TAFA4: variants seen among roughly 807,000 people sequenced by gnomAD.
The protein encoded by TAFA4 is TAFA chemokine like family member 4, also known as chemokine-like protein TAFA-4.
Under a neutral mutation model 21.1 loss-of-function variants are expected in TAFA4, and 20 were observed. The ratio of observed to expected loss-of-function variants is 0.95; its 90% CI spans 0.67 to 1.38. TAFA4 has a LOEUF of 1.38. Ranked by LOEUF, TAFA4 falls within the 40% of genes most tolerant of loss-of-function variation. The probability of loss-of-function intolerance (pLI) is 0.00; values close to 1 mark genes in which losing one functional copy is unlikely to be tolerated. For missense variants in TAFA4, 211 were observed against 180.9 expected, an observed-to-expected ratio of 1.17 and a Z score of -0.95; for synonymous variants, 71 against 67.4, an observed-to-expected ratio of 1.05 and a Z score of -0.26.
intron 4 of TAFA4, among the ~76,000 whole-genome samples, chr3:68,739,462 A>G (rs1348525381): frequency 2.0e-5 from 3 of 152,228 alleles, no homozygotes; most frequent in African/African-American, 7.2e-5. Flanking sequence ...AATTAGTACA[A>G]CCTCTATGGA....
intron 1 of TAFA4, among the ~76,000 whole-genome samples, chr3:68,928,193 A>C (rs190124463): frequency 1.3e-4 from 20 of 152,358 alleles, no homozygotes; most frequent in Admixed American, 1.1e-3. Context: ...CCTTAGATTC[A>C]TAACTCTGAA....
intron 1 of TAFA4, among the ~76,000 whole-genome samples, chr3:68,917,673 G>A: frequency 6.7e-6 from 1 of 148,392 alleles, no homozygotes; most frequent in East Asian, 2.0e-4. Flanking sequence ...AGAATCACTT[G>A]AACTCGAGAG....
chr3:68,928,569 A>C (rs1488981397), intron 1 of TAFA4, among the ~76,000 whole-genome samples: 1 of 152,188 alleles, frequency 6.6e-6, no homozygotes, highest in African/African-American at 2.4e-5. Flanking sequence ...TTCCATCGCC[A>C]GCTCCCCTTT....
At position 68,853,635 on chromosome 3, in the gene TAFA4, T is replaced by G. The variant is rs568330875; in HGVS notation, c.130+27095A>C. On this transcript the variant is annotated intron_variant, in intron 3 of 5. Coordinates refer to ENST00000295569, the MANE Select transcript of TAFA4 (RefSeq NM_182522.5). ...TTTCCTCCAGTGTCTTACCATCTGT[T>G]TTCCATAATATGCCCCCTTTATTAA... is the stretch of plus-strand genomic sequence containing the variant. Among the ~76,000 whole-genome samples the G allele has an allele frequency of 1.1e-4, 17 of 152,302 alleles. No individual in the cohort carries two copies. In the East Asian group the frequency reaches 3.1e-3, roughly 28 times the overall value.
At position 68,732,676 on chromosome 3, in the gene TAFA4, A is replaced by G. The variant is rs1702170801; in HGVS notation, c.*466T>C. 1 of 154,728 alleles carries G rather than the reference A, an allele frequency of 6.5e-6. No individual in the cohort carries two copies. The highest frequency in any genetic ancestry group is 1.4e-5 in the Non-Finnish European group (1 of 69,766). 9.6% of individuals were successfully genotyped at this position (154,728 alleles called of 1,614,324 possible). Reference sequence around the variant, plus strand: ...TAATTTTCTTCACCAGCTAATCTACATCTGCAAATATGTTTTGCCAAAATC... The same window carrying G: ...TAATTTTCTTCACCAGCTAATCTACGTCTGCAAATATGTTTTGCCAAAATC... On this transcript the variant is annotated 3_prime_UTR_variant, in exon 6 of 6. Coordinates refer to ENST00000295569, the MANE Select transcript of TAFA4 (RefSeq NM_182522.5).
At chr3:68,838,356 T>C (rs547962224) in intron 3 of TAFA4, among the ~76,000 whole-genome samples, 1 of 152,242 alleles carries the variant, frequency 6.6e-6, no homozygotes, top group Non-Finnish European at 1.5e-5. Context: ...AGAATACATT[T>C]GTATGTTTTC....
At chr3:68,813,772 T>C (rs1235642062) in intron 3 of TAFA4, among the ~76,000 whole-genome samples, 2 of 152,114 alleles carry the variant, frequency 1.3e-5, no homozygotes, top group Non-Finnish European at 2.9e-5. Context: ...TCTGAAACTA[T>C]TCCAATCAAT....
chr3:68,809,745 G>A (rs1051406416), intron 3 of TAFA4, among the ~76,000 whole-genome samples: 3 of 152,024 alleles, frequency 2.0e-5, no homozygotes, highest in Admixed American at 6.6e-5. Context: ...GGTGTGAGAC[G>A]AGAATCTAAT....
At chr3:68,752,056 G>A (rs527647872) in intron 4 of TAFA4, among the ~76,000 whole-genome samples, 7 of 152,292 alleles carry the variant, frequency 4.6e-5, no homozygotes, top group South Asian at 4.1e-4. Context: ...TAAATCAGCC[G>A]TTCTTGTTCA....
intron 3 of TAFA4, among the ~76,000 whole-genome samples, chr3:68,838,549 G>A (rs905256580): frequency 6.6e-6 from 1 of 152,140 alleles, no homozygotes; most frequent in Non-Finnish European, 1.5e-5. Context: ...CACTGTTCTA[G>A]GTCAGGGGTC....
At chr3:68,900,271 T>C (rs550775450) in intron 1 of TAFA4, among the ~76,000 whole-genome samples, 10 of 61,746 alleles carry the variant, frequency 1.6e-4, no homozygotes, top group South Asian at 9.5e-4. Flanking sequence ...ATAATAATAA[T>C]AATAATAATA....
At chr3:68,768,498 G>T (rs1341539313) in intron 3 of TAFA4, among the ~76,000 whole-genome samples, 3 of 152,110 alleles carry the variant, frequency 2.0e-5, no homozygotes, top group Non-Finnish European at 4.4e-5. Flanking sequence ...CTGTCAGTGG[G>T]AATGCAAACT....
chr3:68,912,558 A>G (rs1341586226), intron 1 of TAFA4, among the ~76,000 whole-genome samples: 2 of 152,214 alleles, frequency 1.3e-5, no homozygotes, highest in African/African-American at 4.8e-5. Context: ...TGGGGACCAG[A>G]TGAGCGAGCG....
chr3:68,777,511 C>T (rs1324482660), intron 3 of TAFA4, among the ~76,000 whole-genome samples: 1 of 151,924 alleles, frequency 6.6e-6, no homozygotes, highest in Non-Finnish European at 1.5e-5. Flanking sequence ...ATTTAAGCAG[C>T]TACATAGGGA....
intron 3 of TAFA4, among the ~76,000 whole-genome samples, chr3:68,819,397 T>C (rs1322821304): frequency 1.3e-5 from 2 of 152,162 alleles, no homozygotes; most frequent in African/African-American, 2.4e-5. Context: ...CAGTATTATG[T>C]TGAGTGAAAG....
intron 3 of TAFA4, among the ~76,000 whole-genome samples, chr3:68,878,120 A>C (rs1053993754): frequency 6.6e-6 from 1 of 152,064 alleles, no homozygotes; most frequent in Non-Finnish European, 1.5e-5. Context: ...TTTTCCAGGG[A>C]CTTTATGCCA....
At chr3:68,779,761 G>T (rs1703121156) in intron 3 of TAFA4, among the ~76,000 whole-genome samples, 1 of 152,232 alleles carries the variant, frequency 6.6e-6, no homozygotes, top group African/African-American at 2.4e-5. Flanking sequence ...CCCTCATGGA[G>T]AATCTCTGCT....
chr3:68,738,513 T>C (rs566308276), intron 5 of TAFA4, among the ~76,000 whole-genome samples: 24 of 152,134 alleles, frequency 1.6e-4, no homozygotes, highest in Non-Finnish European at 3.4e-4. Flanking sequence ...TGAAGAATCA[T>C]GGAAAAGTTG....
At chr3:68,844,112 C>T (rs542207347) in intron 3 of TAFA4, among the ~76,000 whole-genome samples, 2 of 152,170 alleles carry the variant, frequency 1.3e-5, no homozygotes, top group African/African-American at 4.8e-5. Context: ...CTCTTTGTAC[C>T]TCTGGTAGAA....
Sources: allele counts gnomAD v4.1 joint callset (sites outside exome capture counted in the v4.1 genomes callset), GRCh38; gene constraint gnomAD v4.1.1; transcripts MANE v1.5; gene names NCBI Gene and HGNC (gene_info 2026-07-23, HGNC 2026-07-21).